The following CAMTA1 variants were observed in gnomAD, a reference collection of about 807,000 sequenced individuals.
The protein encoded by CAMTA1 is calmodulin binding transcription activator 1.
A neutral mutation model predicts 170.9 loss-of-function variants in CAMTA1; 27 were observed. The ratio of observed to expected loss-of-function variants is 0.16; its 90% CI spans 0.12 to 0.22. CAMTA1 has a LOEUF of 0.22. Among genes scored for constraint, CAMTA1 ranks in the 10% least tolerant of loss-of-function variants. The pLI, the probability that CAMTA1 is intolerant of heterozygous loss-of-function variation, is 1.00. For synonymous variants in CAMTA1, 833 were observed against 891.5 expected (o/e 0.93, Z 1.17); for missense variants, 1,619 against 2,217.2 (o/e 0.73, Z 5.42).
intron 3 of CAMTA1, among the ~76,000 whole-genome samples, chr1:7,055,371 C>G (rs1004402374): frequency 2.0e-5 from 3 of 152,284 alleles, no homozygotes; most frequent in Middle Eastern, 3.4e-3. Flanking sequence ...CCTCCAAGTC[C>G]TGGGTTGGTT....
intron 3 of CAMTA1, among the ~76,000 whole-genome samples, chr1:6,900,411 G>GT (rs1047963400): frequency 1.7e-4 from 25 of 150,776 alleles, no homozygotes; most frequent in African/African-American, 4.6e-4. Context: ...GAATTCTTAA[G>GT]TTTTTTTTTC....
chr1:7,635,608 C>CAAA lies in CAMTA1; in HGVS notation c.511-4775_511-4773dup, dbSNP rs767824479. ...TGGGGGACAGAGCAAGACTCCGTCT[C>CAAA]AAAAAAAAAAAAAAAAAAATACAGG... On this transcript the variant is annotated intron_variant, in intron 6 of 22. Transcript: ENST00000303635. This position sits in a 1 kb window ranked among gnomAD's most constrained non-coding sequence, Gnocchi z 4.4. Among the ~76,000 whole-genome samples the CAAA allele has an allele frequency of 2.8e-3, 249 of 90,210 alleles. 3 individuals carry two copies. Among genetic ancestry groups the CAAA allele is most frequent in the African/African-American group, 7.8e-3 (230 of 29,400 alleles). The allele number at this position is 90,210 out of a possible 152,430, so 59.2% of individuals were successfully genotyped here.
intron 5 of CAMTA1, among the ~76,000 whole-genome samples, chr1:7,415,124 C>T (rs1294232357): frequency 6.6e-6 from 1 of 152,018 alleles, no homozygotes; most frequent in Non-Finnish European, 1.5e-5. Flanking sequence ...GTCTGAGAGA[C>T]AGTTTGTTAT....
At chr1:7,400,213 CT>C (rs1365189907) in intron 5 of CAMTA1, among the ~76,000 whole-genome samples, 7 of 152,080 alleles carry the variant, frequency 4.6e-5, no homozygotes, top group Admixed American at 2.0e-4. Context: ...AAAGACATGT[CT>C]TTAAGTTTAG....
At chr1:7,127,387 C>T (rs1248843342) in intron 4 of CAMTA1, among the ~76,000 whole-genome samples, 1 of 151,488 alleles carries the variant, frequency 6.6e-6, no homozygotes, top group Non-Finnish European at 1.5e-5. Flanking sequence ...GACTTCTGAC[C>T]ATGTTGTCTC....
In CAMTA1 at chr1:7,732,466, C is replaced by A. The variant is rs1374361870; in HGVS notation, c.2933C>A (p.Ser978Tyr). The change falls in exon 12 of 23, where the codon TCC becomes TAC. Residue 978 changes from serine to tyrosine, a missense_variant. Around this residue, in one of 8 missense-constraint regions of CAMTA1, gnomAD observed 143 missense variants for 184.2 expected, o/e 0.78. Transcript: ENST00000303635. This position sits in a 1 kb window ranked among gnomAD's most constrained non-coding sequence, Gnocchi z 4.1. Reference sequence around the variant, plus strand: ...GCCCTAGATAACCAGTTCAGGATGTCCATCCTGGAACGACTGGAGCAGATG... The same window carrying A: ...GCCCTAGATAACCAGTTCAGGATGTACATCCTGGAACGACTGGAGCAGATG... ...LSLDDNQFRM[S>Y]ILERLEQMER... The A allele has an allele frequency of 6.2e-7, 1 of 1,613,864 alleles. No homozygotes were observed. The highest frequency in any genetic ancestry group is 1.7e-5 in the Admixed American group (1 of 60,016).
At position 7,580,349 on chromosome 1, in the gene CAMTA1, C is replaced by T. The variant is rs1450912042; in HGVS notation, c.511-60051C>T. On this transcript the variant is annotated intron_variant, in intron 6 of 22. Transcript: ENST00000303635. This position sits in a 1 kb window ranked among gnomAD's most constrained non-coding sequence, Gnocchi z 4.3. ...AGAGGAGGAGCTTTCTGGAAGGAAG[C>T]CCTGTGAATGAGGGGAACCCAGGGA... is the stretch of plus-strand genomic sequence containing the variant. Among the ~76,000 whole-genome samples, 1 of 151,892 alleles carries T rather than the reference C, an allele frequency of 6.6e-6. No individual in the cohort carries two copies. The highest frequency in any genetic ancestry group is 1.5e-5 in the Non-Finnish European group (1 of 67,974).
chr1:7,056,108 G>A (rs1474333403), intron 3 of CAMTA1, among the ~76,000 whole-genome samples: 1 of 152,150 alleles, frequency 6.6e-6, no homozygotes, highest in African/African-American at 2.4e-5. Context: ...CACTCGATAT[G>A]GGTGGGAGAT....
intron 5 of CAMTA1, among the ~76,000 whole-genome samples, chr1:7,466,009 C>T (rs188559462): frequency 6.6e-6 from 1 of 152,352 alleles, no homozygotes; most frequent in African/African-American, 2.4e-5. Flanking sequence ...AAACACCCCT[C>T]AGCCGTTGAT....
At chr1:7,350,359 A>C (rs528571559) in intron 5 of CAMTA1, among the ~76,000 whole-genome samples, 58 of 152,330 alleles carry the variant, frequency 3.8e-4, no homozygotes, top group Admixed American at 1.4e-3. Context: ...AGGTCCCCTG[A>C]GACCCTCTAT....
intron 22 of CAMTA1, among the ~76,000 whole-genome samples, chr1:7,758,798 G>A (rs757994817): frequency 1.1e-4 from 16 of 152,052 alleles, no homozygotes; most frequent in East Asian, 5.8e-4. Context: ...AGCCGGTTGC[G>A]GTGGCGGGCG....
At chr1:7,057,483 G>A (rs1328315316) in intron 3 of CAMTA1, among the ~76,000 whole-genome samples, 1 of 152,206 alleles carries the variant, frequency 6.6e-6, no homozygotes, top group Non-Finnish European at 1.5e-5. Context: ...TGCAGTTCAA[G>A]TCACAGTCTG....
intron 3 of CAMTA1, among the ~76,000 whole-genome samples, chr1:6,913,391 T>G (rs779036498): frequency 4.1e-4 from 62 of 152,152 alleles, no homozygotes; most frequent in Non-Finnish European, 6.3e-4. Context: ...TGCCTGCTTT[T>G]GGGGTTCCCT....
intron 5 of CAMTA1, among the ~76,000 whole-genome samples, chr1:7,371,559 C>A (rs1337915976): frequency 1.3e-5 from 2 of 152,234 alleles, no homozygotes; most frequent in Non-Finnish European, 2.9e-5. Flanking sequence ...CATGCCCAGC[C>A]ACACTCCATG....
At chr1:7,362,545 C>T (rs959675875) in intron 5 of CAMTA1, among the ~76,000 whole-genome samples, 1 of 151,576 alleles carries the variant, frequency 6.6e-6, no homozygotes, top group Admixed American at 6.6e-5. Context: ...CGATGGTGAC[C>T]TTGGATAGAG....
At chr1:7,127,320 G>T (rs1037519643) in intron 4 of CAMTA1, among the ~76,000 whole-genome samples, 1 of 127,434 alleles carries the variant, frequency 7.8e-6, no homozygotes, top group Non-Finnish European at 1.6e-5. Context: ...GTCTTCAACC[G>T]TTGCACCCAG....
chr1:7,737,486 A>C lies in CAMTA1; in HGVS notation c.3574A>C (p.Ser1192Arg), dbSNP rs770308845. Residue 1192 changes from serine to arginine, a missense_variant, in exon 15 of 23, where the codon AGC becomes CGC. Physicochemically the swap from Ser to Arg is moderately radical, Grantham distance 110 (BLOSUM62 -1). Around this residue, in one of 8 missense-constraint regions of CAMTA1, gnomAD observed 370 missense variants for 429.4 expected, o/e 0.86. Coordinates refer to ENST00000303635, the MANE Select transcript of CAMTA1 (RefSeq NM_015215.4). ...CPASEEPSTE[S>R]WMAQWHSEAI... ...TGCAAGCGAAGAGCCCAGCACAGAG[A>C]GCTGGATGGCCCAGTGGCACAGCGA... The C allele has an allele frequency of 6.2e-7, 1 of 1,614,192 alleles. No individual in the cohort carries two copies. The highest frequency in any genetic ancestry group is 8.5e-7 in the Non-Finnish European group (1 of 1,180,034).
At chr1:7,181,474 T>G (rs1012646294) in intron 4 of CAMTA1, among the ~76,000 whole-genome samples, 13 of 152,218 alleles carry the variant, frequency 8.5e-5, no homozygotes, top group Non-Finnish European at 1.5e-4. Context: ...TATGATAGTA[T>G]ACTGGGATAA....
At chr1:7,430,350 A>G (rs1410290239) in intron 5 of CAMTA1, among the ~76,000 whole-genome samples, 1 of 151,868 alleles carries the variant, frequency 6.6e-6, no homozygotes, top group Non-Finnish European at 1.5e-5. Context: ...AATCACATGG[A>G]TGATGGTGAT....
Sources: allele counts gnomAD v4.1 joint callset (sites outside exome capture counted in the v4.1 genomes callset), GRCh38; gene constraint gnomAD v4.1.1; regional missense constraint gnomAD v4.1.1; non-coding constraint Gnocchi (gnomAD v3.1); transcripts MANE v1.5; gene names NCBI Gene and HGNC (gene_info 2026-07-23, HGNC 2026-07-21).